Variants in SAP30BP observed in about 807,000 individuals in gnomAD.
SAP30BP encodes the protein SAP30-binding protein.
In SAP30BP, 31 loss-of-function variants were observed where a neutral mutation model predicts 46.3. That is an observed-to-expected ratio of 0.67 (90% CI 0.50 to 0.90). The LOEUF is 0.90. Among genes scored for constraint, SAP30BP ranks in the 40% least tolerant of loss-of-function variants. The pLI is 0.00. For missense variants in SAP30BP, 312 were observed against 391.0 expected (o/e 0.80, Z 1.70); for synonymous variants, 169 against 144.2 (o/e 1.17, Z -1.23).
rs1474630101 is a variant in SAP30BP at position 75,706,839 on chromosome 17, C to T, written c.*318C>T. Reference sequence around the variant, plus strand: ...TTCAGCTCACATGTCCCCCAAGACTCAATAGTCTTGGTTGGGACTATTGCC... The same window carrying T: ...TTCAGCTCACATGTCCCCCAAGACTTAATAGTCTTGGTTGGGACTATTGCC... On this transcript the variant is annotated 3_prime_UTR_variant, in exon 11 of 11. Coordinates refer to ENST00000584667, the MANE Select transcript of SAP30BP (RefSeq NM_013260.8). This position sits in a 1 kb window ranked among gnomAD's most constrained non-coding sequence, Gnocchi z 4.6. 1 of 370,706 alleles carries T rather than the reference C, an allele frequency of 2.7e-6. No homozygotes were observed. Among genetic ancestry groups the T allele is most frequent in the Non-Finnish European group, 5.0e-6 (1 of 201,222 alleles). 23.0% of individuals were successfully genotyped at this position (370,706 alleles called of 1,614,324 possible). A position where few individuals can be genotyped will look rare whatever the true frequency, so the allele number is the denominator to read the frequency against.
chr17:75,704,755 G>C lies in SAP30BP; in HGVS notation c.602-1G>C. Reference sequence around the variant, plus strand: ...TGTAACAGCTTCTCTTGTCTTCATAGCCAAGGCCCAGAAAATTGAGATGGA... The same window carrying C: ...TGTAACAGCTTCTCTTGTCTTCATACCCAAGGCCCAGAAAATTGAGATGGA... On this transcript the variant is annotated splice_acceptor_variant, in intron 8 of 10. Transcript: ENST00000584667. LOFTEE classifies it high-confidence loss of function. 6.2e-7 allele frequency: 1 copy of C among 1,613,534 alleles called. No homozygotes were observed. The highest frequency in any genetic ancestry group is 8.5e-7 in the Non-Finnish European group (1 of 1,179,600).
intron 4 of SAP30BP, among the ~76,000 whole-genome samples, chr17:75,695,207 G>A (rs2060299534): frequency 6.6e-6 from 1 of 152,234 alleles, no homozygotes; most frequent in Admixed American, 6.5e-5. Context: ...TTGTGGGGCT[G>A]TCCTGTGCTT....
At chr17:75,676,674 A>G (rs921204786) in intron 3 of SAP30BP, among the ~76,000 whole-genome samples, 1 of 152,218 alleles carries the variant, frequency 6.6e-6, no homozygotes, top group South Asian at 2.1e-4. Context: ...ACGGTAGTCC[A>G]TCCTTTTCCG....
In SAP30BP at chr17:75,706,401, C is replaced by T; in HGVS notation, c.807C>T (p.Pro269=). The T allele has an allele frequency of 1.2e-6, 2 of 1,614,092 alleles. No individual in the cohort carries two copies. The highest frequency in any genetic ancestry group is 1.7e-6 in the Non-Finnish European group (2 of 1,180,022). Residue 269 remains proline (P), a synonymous_variant, in exon 11 of 11, where the codon CCC becomes CCT. Transcript: ENST00000584667. This position sits in a 1 kb window ranked among gnomAD's most constrained non-coding sequence, Gnocchi z 4.6. Reference sequence around the variant, plus strand: ...TCCCAGTGACAACGATAGCCCAGCCCACCATCCTCACCACCACAGCCACCC... The same window carrying T: ...TCCCAGTGACAACGATAGCCCAGCCTACCATCCTCACCACCACAGCCACCC... The part of the protein sequence containing the change: ...SAIPVTTIAQ[P]TILTTTATLP...
chr17:75,691,493 C>T (rs2060241764), intron 3 of SAP30BP: 1 of 456,702 alleles, frequency 2.2e-6, no homozygotes, highest in South Asian at 1.5e-5. Flanking sequence ...CACGGGGAGG[C>T]TCCTGGCCTC....
intron 4 of SAP30BP, among the ~76,000 whole-genome samples, chr17:75,695,205 C>T (rs1225408993): frequency 1.3e-5 from 2 of 152,236 alleles, no homozygotes; most frequent in African/African-American, 2.4e-5. Context: ...TGTTGTGGGG[C>T]TGTCCTGTGC....
At chr17:75,668,475 T>C (rs1319554381) in intron 1 of SAP30BP, 41 bp from the exon 2 acceptor site, 3 of 1,292,908 alleles carry the variant, frequency 2.3e-6, no homozygotes, top group Non-Finnish European at 3.2e-6. Context: ...TGTTTTTTTT[T>C]TCTTGCTTTT....
At chr17:75,672,106 G>A (rs762542396) in intron 3 of SAP30BP, 15 of 499,576 alleles carry the variant, frequency 3.0e-5, no homozygotes, top group Non-Finnish European at 4.0e-5. Flanking sequence ...CTAGAAAGGC[G>A]AGAGGCCTGG....
In SAP30BP at chr17:75,706,590, A is replaced by G. The variant is rs977715382; in HGVS notation, c.*69A>G. 2 of 1,431,260 alleles carry G rather than the reference A, an allele frequency of 1.4e-6. No individual in the cohort carries two copies. The highest frequency in any genetic ancestry group is 2.3e-5 in the East Asian group (1 of 43,828). 88.7% of individuals were successfully genotyped at this position (1,431,260 alleles called of 1,614,324 possible). A position where few individuals can be genotyped will look rare whatever the true frequency, so the allele number is the denominator to read the frequency against. On this transcript the variant is annotated 3_prime_UTR_variant, in exon 11 of 11. Transcript: ENST00000584667. The surrounding 1 kb of genome is among the most constrained non-coding windows in gnomAD (Gnocchi z 4.6). ...TGACCACTGCCCAGTGGGAGGCGCC[A>G]CTTTGTATATTTCAGGACTGGGACC...
chr17:75,678,834 A>G (rs2060031782), intron 3 of SAP30BP, among the ~76,000 whole-genome samples: 1 of 152,190 alleles, frequency 6.6e-6, no homozygotes, highest in Admixed American at 6.5e-5. Flanking sequence ...GCTGAGGGAA[A>G]GGCTAAGGCA....
intron 3 of SAP30BP, among the ~76,000 whole-genome samples, chr17:75,674,890 G>A (rs820132): frequency 0.97 from 146,330 of 151,208 alleles, 70,919 homozygotes; most frequent in East Asian, 1. Flanking sequence ...TTTTGTAGAG[G>A]AAAGGTTTTG....
At chr17:75,701,629 C>T (rs1226538199) in intron 5 of SAP30BP, among the ~76,000 whole-genome samples, 3 of 152,176 alleles carry the variant, frequency 2.0e-5, no homozygotes, top group Admixed American at 2.0e-4. Context: ...TGAGCCTCCC[C>T]ATAAAAGACA....
chr17:75,705,704 G>A (rs144144967), intron 9 of SAP30BP: 131 of 1,167,108 alleles, frequency 1.1e-4, no homozygotes, highest in Admixed American at 1.7e-4. Context: ...GTGAGGAGGA[G>A]GGGCCTGGCC....
chr17:75,668,765 C>A, intron 2 of SAP30BP, 140 bp downstream of exon 2: 1 of 593,812 alleles, frequency 1.7e-6, no homozygotes, highest in African/African-American at 2.0e-5. Context: ...GTGGAAGAAA[C>A]TGGATTGGAT....
Position 75,693,490 on chromosome 17 carries a change from T to C in SAP30BP, c.307+8T>C, listed in dbSNP as rs200069782. Reference sequence around the variant, plus strand: ...ACCCCCAGGAACTCGTGGGTGAGTATTGGGGGATCCTGGGGGCACGTTTCT... The same window carrying C: ...ACCCCCAGGAACTCGTGGGTGAGTACTGGGGGATCCTGGGGGCACGTTTCT... On this transcript the variant is annotated splice_region_variant and intron_variant, in intron 4 of 10. Transcript: ENST00000584667. 3.3e-5 allele frequency: 53 copies of C among 1,613,432 alleles called. No homozygotes were observed. The highest frequency in any genetic ancestry group is 4.2e-5 in the Non-Finnish European group (49 of 1,179,580).
chr17:75,702,052 C>T (rs1201951667), intron 5 of SAP30BP, among the ~76,000 whole-genome samples: 1 of 152,152 alleles, frequency 6.6e-6, no homozygotes, highest in Non-Finnish European at 1.5e-5. Context: ...TCGAGACAGT[C>T]TCACTGCATC....
chr17:75,685,840 A>G (rs2898569), intron 3 of SAP30BP, among the ~76,000 whole-genome samples: 1 of 152,112 alleles, frequency 6.6e-6, no homozygotes, highest in Non-Finnish European at 1.5e-5. Context: ...CTGGACCTAG[A>G]TACACCCGTT....
rs570222202 is a variant in SAP30BP at position 75,702,468 on chromosome 17, T to C, written c.397-12T>C. The C allele has an allele frequency of 3.3e-5, 44 of 1,350,372 alleles. No homozygotes were observed. The South Asian group carries it at 5.1e-4, about 16-fold the overall frequency. The allele number at this position is 1,350,372 out of a possible 1,614,324, so 83.6% of individuals were successfully genotyped here. On this transcript the variant is annotated splice_polypyrimidine_tract_variant and intron_variant, in intron 5 of 10. Transcript: ENST00000584667. ...TCATACACCCCCCCACCCCCTCTGC[T>C]CCTCTTCACAGGACAAGATCCAGAA...
chr17:75,671,779 C>T, intron 2 of SAP30BP, 37 bp from the exon 3 acceptor site: 1 of 1,577,390 alleles, frequency 6.3e-7, no homozygotes, highest in Non-Finnish European at 8.7e-7. Context: ...CAGGCCCGCT[C>T]CTTTAAGCTT....
Sources: allele counts gnomAD v4.1 joint callset (sites outside exome capture counted in the v4.1 genomes callset), GRCh38; gene constraint gnomAD v4.1.1; non-coding constraint Gnocchi (gnomAD v3.1); transcripts MANE v1.5; gene names NCBI Gene and HGNC (gene_info 2026-07-23, HGNC 2026-07-21).